Variants in OR8G1 observed in about 807,000 individuals in gnomAD.
OR8G1 encodes the protein olfactory receptor family 8 subfamily G member 1, also known as olfactory receptor 8G1.
For synonymous variants in OR8G1, 129 were observed against 133.3 expected (o/e 0.97, Z 0.22); for missense variants, 372 against 356.2 (o/e 1.04, Z -0.36).
rs1488385847 is a variant in OR8G1, at chr11:124,254,014, A to ATATTTC, written c.*3405_*3410dup. Reference sequence around the variant, plus strand: ...TGCTACAATAAACATGGGAGTGCAGATATTTCTTTGACGTGCTGATTGTAT... The same window carrying ATATTTC: ...TGCTACAATAAACATGGGAGTGCAGATATTTCTATTTCTTTGACGTGCTGATTGTAT... On this transcript the variant is annotated 3_prime_UTR_variant, in exon 3 of 3. Transcript: ENST00000641972. 6.6e-6 allele frequency: 1 copy of ATATTTC among 152,168 alleles called. No individual in the cohort carries two copies. Among genetic ancestry groups the ATATTTC allele is most frequent in the African/African-American group, 2.4e-5 (1 of 41,460 alleles). 9.4% of individuals were successfully genotyped at this position (152,168 alleles called of 1,614,324 possible). A position where few individuals can be genotyped will look rare whatever the true frequency, so the allele number is the denominator to read the frequency against.
chr11:124,247,763 A>G (rs1400176624), intron 1 of OR8G1, 38 bp from the exon 2 acceptor site: 2 of 151,724 alleles, frequency 1.3e-5, no homozygotes, highest in African/African-American at 2.4e-5. Flanking sequence ...CATCTCATTT[A>G]TGTATTCATC....
At chr11:124,248,319 A>T (rs1861832387) in intron 2 of OR8G1, among the ~76,000 whole-genome samples, 2 of 151,986 alleles carry the variant, frequency 1.3e-5, no homozygotes, top group East Asian at 1.9e-4. Flanking sequence ...TCTTTTGAAG[A>T]ACAGCTTTTA....
intron 1 of OR8G1, among the ~76,000 whole-genome samples, chr11:124,241,744 A>G (rs1459102273): frequency 6.6e-6 from 1 of 152,164 alleles, no homozygotes; most frequent in Non-Finnish European, 1.5e-5. Flanking sequence ...GGTGTTGGTA[A>G]GACTATCTAA....
Position 124,242,993 on chromosome 11 carries a change from T to A in OR8G1, c.-97+1629T>A, listed in dbSNP as rs1591390533. Among the ~76,000 whole-genome samples, 5 of 152,124 alleles carry A rather than the reference T, an allele frequency of 3.3e-5. No individual in the cohort carries two copies. In the South Asian group the frequency reaches 1.0e-3, roughly 32 times the overall value. On this transcript the variant is annotated intron_variant, in intron 1 of 2. Transcript: ENST00000641972. ...GGAATTGTCAATTCCCAAATCCATG[T>A]ATAACTCACAAAAAGAAAGTTTCAC...
At chr11:124,242,338 A>T (rs1861768918) in intron 1 of OR8G1, among the ~76,000 whole-genome samples, 3 of 152,030 alleles carry the variant, frequency 2.0e-5, no homozygotes, top group Admixed American at 6.6e-5. Flanking sequence ...TATCCATTGG[A>T]AAACGATGGA....
intron 1 of OR8G1, among the ~76,000 whole-genome samples, chr11:124,242,840 G>GT (rs769309621): frequency 2.4e-4 from 37 of 151,840 alleles, no homozygotes; most frequent in African/African-American, 3.6e-4. Context: ...ATTTTAGCTT[G>GT]TTTTTTTTAG....
chr11:124,241,212 A>G lies in OR8G1; in HGVS notation c.-249A>G, dbSNP rs1322151873. 6.6e-6 allele frequency: 1 copy of G among 152,102 alleles called. No homozygotes were observed. The highest frequency in any genetic ancestry group is 2.4e-5 in the African/African-American group (1 of 41,440). The allele number at this position is 152,102 out of a possible 1,614,324, so 9.4% of individuals were successfully genotyped here. A position where few individuals can be genotyped will look rare whatever the true frequency, so the allele number is the denominator to read the frequency against. On this transcript the variant is annotated 5_prime_UTR_variant, in exon 1 of 3. Transcript: ENST00000641972. ...CTGAGGGCTGGGCCCTGCCCTCTCA[A>G]CACTAAAGATTCCAGAATGCTGGGT...
rs1315972064 is a variant in OR8G1 at position 124,247,272 on chromosome 11, G to C, written c.-96-529G>C. On this transcript the variant is annotated intron_variant, in intron 1 of 2. Coordinates refer to ENST00000641972, the MANE Select transcript of OR8G1 (RefSeq NM_001002905.2). ...AATACAATTGGAAAATTTCTAGAATGGTTGATCGAGACAAAAATGGAACCA... is the reference window on the plus strand; with the variant it reads ...AATACAATTGGAAAATTTCTAGAATCGTTGATCGAGACAAAAATGGAACCA... Among the ~76,000 whole-genome samples the C allele has an allele frequency of 3.3e-5, 5 of 151,816 alleles. No homozygotes were observed. The East Asian group carries it at 9.7e-4, about 29-fold the overall frequency.
At position 124,250,501 on chromosome 11, in the gene OR8G1, GTGTTTTA is replaced by G; in HGVS notation, c.828_834del (p.Phe277LeufsTer7). The G allele has an allele frequency of 6.2e-7, 1 of 1,613,504 alleles. No homozygotes were observed. Among genetic ancestry groups the G allele is most frequent in the Non-Finnish European group, 8.5e-7 (1 of 1,179,664 alleles). Reference sequence around the variant, plus strand: ...CATGGACCAGGGGAAAGTATCCTCTGTGTTTTATACTATTATTGTGCCCATGTTGAAC... The same window carrying G: ...CATGGACCAGGGGAAAGTATCCTCTGTACTATTATTGTGCCCATGTTGAAC... On this transcript the variant is annotated frameshift_variant, in exon 3 of 3. Transcript: ENST00000641972. LOFTEE classifies it low-confidence loss of function (END_TRUNC).
intron 1 of OR8G1, among the ~76,000 whole-genome samples, chr11:124,244,823 A>G (rs542319092): frequency 4.4e-4 from 67 of 152,028 alleles, no homozygotes; most frequent in Non-Finnish European, 8.8e-4. Flanking sequence ...AGAGATTACC[A>G]GAAGTAGCCA....
Position 124,250,130 on chromosome 11 carries a change from GC to G in OR8G1, c.457del (p.Leu153TrpfsTer21), listed in dbSNP as rs745678379. 3 of 1,613,656 alleles carry G rather than the reference GC, an allele frequency of 1.9e-6. No homozygotes were observed. The South Asian group carries it at 3.3e-5, about 18-fold the overall frequency. ...CTGATTTTAGGGGTGTATATAATAG[GC>G]CTGGTTTGTGCATCAGTTCATACAG... The part of the protein sequence containing the change: ...FSLILGVYII[G>X]LVCASVHTGC... On this transcript the variant is annotated frameshift_variant, in exon 3 of 3. Transcript: ENST00000641972. LOFTEE classifies it low-confidence loss of function (END_TRUNC).
At chr11:124,243,755 T>C (rs1415352805) in intron 1 of OR8G1, among the ~76,000 whole-genome samples, 4 of 152,040 alleles carry the variant, frequency 2.6e-5, no homozygotes, top group Non-Finnish European at 5.9e-5. Context: ...GCAGGGAATG[T>C]GTCATTTTAC....
intron 1 of OR8G1, among the ~76,000 whole-genome samples, chr11:124,247,099 C>T (rs1289244541): frequency 6.6e-6 from 1 of 151,420 alleles, no homozygotes; most frequent in East Asian, 1.9e-4. Context: ...TTCAAGCTTC[C>T]ACTTCAAGAG....
rs758152942 is a variant in OR8G1, at chr11:124,250,471, A to G, written c.796A>G (p.Ser266Gly). The change falls in exon 3 of 3, where the codon AGC (serine) becomes GGC (glycine). Residue 266 changes from serine (S) to glycine (G), a missense_variant. By Grantham distance (56) the Ser-to-Gly change is moderately conservative (BLOSUM62 0). Transcript: ENST00000641972. ...AFMYLQPSSI[S>G]SMDQGKVSSV... ...CATGTACTTGCAGCCATCTTCAATCAGCTCCATGGACCAGGGGAAAGTATC... is the reference window on the plus strand; with the variant it reads ...CATGTACTTGCAGCCATCTTCAATCGGCTCCATGGACCAGGGGAAAGTATC... 3.1e-6 allele frequency: 5 copies of G among 1,613,716 alleles called. No individual in the cohort carries two copies. In the South Asian group the frequency reaches 5.5e-5, roughly 18 times the overall value.
Position 124,250,460 on chromosome 11 carries a change from C to T in OR8G1, c.785C>T (p.Pro262Leu), listed in dbSNP as rs368971180. Reference protein sequence around the residue: ...FGSAAFMYLQPSSISSMDQGK... With the variant: ...FGSAAFMYLQLSSISSMDQGK... ...TCTGCAGCATTCATGTACTTGCAGC[C>T]ATCTTCAATCAGCTCCATGGACCAG... The change falls in exon 3 of 3, where the codon CCA becomes CTA. Residue 262 changes from proline (P) to leucine (L), a missense_variant. By Grantham distance (98) the Pro-to-Leu change is moderately conservative. Coordinates refer to ENST00000641972, the MANE Select transcript of OR8G1 (RefSeq NM_001002905.2). 4.1e-5 allele frequency: 66 copies of T among 1,613,568 alleles called. No homozygotes were observed. Among genetic ancestry groups the T allele is most frequent in the Non-Finnish European group, 5.3e-5 (63 of 1,179,768 alleles).
At chr11:124,242,404 A>G (rs566203087) in intron 1 of OR8G1, among the ~76,000 whole-genome samples, 38 of 152,182 alleles carry the variant, frequency 2.5e-4, no homozygotes, top group African/African-American at 8.9e-4. Flanking sequence ...ATGAGCACAT[A>G]GAAGATGGTC....
In OR8G1 at chr11:124,253,471, T is replaced by C. The variant is rs1448630173; in HGVS notation, c.*2860T>C. The C allele has an allele frequency of 1.3e-5, 2 of 152,072 alleles. No homozygotes were observed. Among genetic ancestry groups the C allele is most frequent in the African/African-American group, 4.8e-5 (2 of 41,368 alleles). 9.4% of individuals were successfully genotyped at this position (152,072 alleles called of 1,614,324 possible). A position where few individuals can be genotyped will look rare whatever the true frequency, so the allele number is the denominator to read the frequency against. ...AACAAACAAAAACTTTGACAACTTT[T>C]AATGGTCAAAAAATATTGTATATAT... On this transcript the variant is annotated 3_prime_UTR_variant, in exon 3 of 3. Transcript: ENST00000641972.
chr11:124,242,964 A>G (rs1011638845), intron 1 of OR8G1, among the ~76,000 whole-genome samples: 1 of 151,972 alleles, frequency 6.6e-6, no homozygotes. Flanking sequence ...AGACCATACC[A>G]TGGGGAATTG....
intron 2 of OR8G1, among the ~76,000 whole-genome samples, chr11:124,248,865 T>C (rs1861837069): frequency 1.3e-5 from 2 of 152,158 alleles, no homozygotes; most frequent in Admixed American, 6.6e-5. Context: ...TTCTGATTAA[T>C]AAGTCTGCCA....
Sources: allele counts gnomAD v4.1 joint callset (sites outside exome capture counted in the v4.1 genomes callset), GRCh38; gene constraint gnomAD v4.1.1; transcripts MANE v1.5; gene names NCBI Gene and HGNC (gene_info 2026-07-23, HGNC 2026-07-21).